TTC28: variants seen among roughly 807,000 people sequenced by gnomAD.
TTC28 encodes the protein tetratricopeptide repeat domain 28.
Under a neutral mutation model 198.0 loss-of-function variants are expected in TTC28, and 61 were observed. The ratio of observed to expected loss-of-function variants is 0.31; its 90% CI spans 0.25 to 0.38. The LOEUF is 0.38. Ranked by LOEUF, TTC28 falls within the 10% of genes least tolerant of loss-of-function variation. The pLI is 1.00. For synonymous variants in TTC28, 1,171 were observed against 1,297.8 expected (o/e 0.90, Z 2.10); for missense variants, 2,678 against 3,164.0 (o/e 0.85, Z 3.69).
chr22:28,661,490 G>C (rs531642850), intron 1 of TTC28, among the ~76,000 whole-genome samples: 1 of 152,206 alleles, frequency 6.6e-6, no homozygotes, highest in Non-Finnish European at 1.5e-5. Flanking sequence ...TGCCAACATA[G>C]CTCACTGTAG....
intron 15 of TTC28, 129 bp from the exon 16 acceptor site, chr22:27,999,389 C>T: frequency 7.7e-7 from 1 of 1,300,568 alleles, no homozygotes; most frequent in Non-Finnish European, 1.0e-6. Flanking sequence ...TTTCCCCAGT[C>T]ACCACATTCA....
chr22:28,533,459 A>G (rs531378289), intron 2 of TTC28, among the ~76,000 whole-genome samples: 124 of 152,356 alleles, frequency 8.1e-4, no homozygotes, highest in African/African-American at 2.8e-3. Context: ...CGAAGAATCA[A>G]TATCATGAAA....
intron 8 of TTC28, among the ~76,000 whole-genome samples, chr22:28,105,062 C>A (rs1222298319): frequency 1.3e-5 from 2 of 152,110 alleles, no homozygotes; most frequent in East Asian, 3.9e-4. Context: ...GAGAGCAGGG[C>A]AAGGTGCTAT....
rs556881934 is a variant in TTC28, at chr22:28,019,546, C to T, written c.4074-5154G>A. On this transcript the variant is annotated intron_variant, in intron 13 of 22. Coordinates refer to ENST00000397906, the MANE Select transcript of TTC28 (RefSeq NM_001145418.2). ...GGCACCCCAGGCTCTGAGCCCCAGG[C>T]GGCAGAATGCTCACAGCGGCTAACA... Among the ~76,000 whole-genome samples, 19 of 152,322 alleles carry T rather than the reference C, an allele frequency of 1.2e-4. 1 individual carries two copies. The South Asian group carries it at 1.5e-3, about 12-fold the overall frequency.
At chr22:28,122,863 C>G (rs1443079985) in intron 6 of TTC28, among the ~76,000 whole-genome samples, 1 of 152,194 alleles carries the variant, frequency 6.6e-6, no homozygotes, top group Non-Finnish European at 1.5e-5. Context: ...AGTTTAGTAA[C>G]TCTTCTAATA....
In TTC28 at chr22:27,980,722, C is replaced by G. The variant is rs911687814; in HGVS notation, c.*1499G>C. ...TAATTTTAGAATTACCTAAAAGATA[C>G]TTACTTATCTAAATTCTCCAACTAA... On this transcript the variant is annotated 3_prime_UTR_variant, in exon 23 of 23. Transcript: ENST00000397906. 2.5e-4 allele frequency: 7 copies of G among 28,318 alleles called. No individual in the cohort carries two copies. In the African/African-American group the frequency reaches 3.2e-3, roughly 13 times the overall value. The allele number at this position is 28,318 out of a possible 1,614,324, so 1.8% of individuals were successfully genotyped here.
intron 2 of TTC28, among the ~76,000 whole-genome samples, chr22:28,347,279 A>AC (rs1237854251): frequency 1.3e-5 from 2 of 151,506 alleles, no homozygotes; most frequent in Non-Finnish European, 2.9e-5. Context: ...AGGAAAAAAA[A>AC]AAAAAACAAA....
intron 12 of TTC28, among the ~76,000 whole-genome samples, chr22:28,071,867 A>G (rs1940993146): frequency 6.6e-6 from 1 of 152,180 alleles, no homozygotes; most frequent in Admixed American, 6.6e-5. Flanking sequence ...GCTTATTAGC[A>G]GGAACTCCTC....
At chr22:28,006,649 C>G (rs1465927553) in intron 14 of TTC28, 1 of 152,382 alleles carries the variant, frequency 6.6e-6, no homozygotes, top group Non-Finnish European at 1.5e-5. Context: ...TCCACACCTA[C>G]TTACTGAGCC....
intron 6 of TTC28, among the ~76,000 whole-genome samples, chr22:28,139,085 C>A (rs1201155041): frequency 6.6e-6 from 1 of 151,786 alleles, no homozygotes; most frequent in Non-Finnish European, 1.5e-5. Flanking sequence ...GGAGTTGAAG[C>A]GATTGAAGGA....
intron 5 of TTC28, among the ~76,000 whole-genome samples, chr22:28,277,745 C>T (rs910552599): frequency 4.6e-5 from 7 of 152,078 alleles, no homozygotes; most frequent in African/African-American, 1.7e-4. Context: ...GAAAAATCAT[C>T]CATCCTCTTT....
chr22:28,267,597 T>C (rs531669345), intron 5 of TTC28, among the ~76,000 whole-genome samples: 9 of 152,348 alleles, frequency 5.9e-5, no homozygotes, highest in African/African-American at 2.2e-4. Context: ...TATGGATGTC[T>C]GACAGTCATA....
chr22:28,328,051 T>C (rs777933112), intron 2 of TTC28, among the ~76,000 whole-genome samples: 1 of 152,066 alleles, frequency 6.6e-6, no homozygotes, highest in Non-Finnish European at 1.5e-5. Flanking sequence ...AACACACAGT[T>C]AATACAATAA....
At chr22:28,328,756 AAATAATAAT>A (rs199948599) in intron 2 of TTC28, among the ~76,000 whole-genome samples, 21,628 of 134,144 alleles carry the variant, frequency 0.16, 2,220 homozygotes, top group African/African-American at 0.28. Context: ...TCTGTCTCAA[AAATAATAAT>A]AATAATAATA....
At chr22:28,622,779 A>T (rs2051020496) in intron 2 of TTC28, among the ~76,000 whole-genome samples, 1 of 152,304 alleles carries the variant, frequency 6.6e-6, no homozygotes, top group Admixed American at 6.5e-5. Flanking sequence ...TATAATGCAA[A>T]GAGTAAGTAG....
At chr22:28,346,702 C>G (rs1298880063) in intron 2 of TTC28, among the ~76,000 whole-genome samples, 34 of 152,072 alleles carry the variant, frequency 2.2e-4, no homozygotes, top group Admixed American at 2.2e-3. Context: ...CTCTGTAACG[C>G]AAGACTCTTT....
At chr22:28,142,982 C>T (rs1943377261) in intron 6 of TTC28, among the ~76,000 whole-genome samples, 1 of 152,154 alleles carries the variant, frequency 6.6e-6, no homozygotes, top group South Asian at 2.1e-4. Context: ...TGTGAAATGT[C>T]CTTCAACAAC....
chr22:28,135,107 T>A (rs938885569), intron 6 of TTC28, among the ~76,000 whole-genome samples: 1 of 152,192 alleles, frequency 6.6e-6, no homozygotes, highest in African/African-American at 2.4e-5. Context: ...CTATGAGATT[T>A]TGGATCTTAC....
intron 5 of TTC28, among the ~76,000 whole-genome samples, chr22:28,258,658 C>T (rs1931119171): frequency 6.6e-6 from 1 of 152,006 alleles, no homozygotes; most frequent in African/African-American, 2.4e-5. Flanking sequence ...AAATGAGTAA[C>T]ACTTTACAGA....
Sources: allele counts gnomAD v4.1 joint callset (sites outside exome capture counted in the v4.1 genomes callset), GRCh38; gene constraint gnomAD v4.1.1; transcripts MANE v1.5; gene names NCBI Gene and HGNC (gene_info 2026-07-23, HGNC 2026-07-21).